Variants in ADAT3 observed in about 807,000 individuals in gnomAD.
The protein encoded by ADAT3 is adenosine deaminase tRNA specific 3.
In ADAT3, 2 loss-of-function variants were observed where a neutral mutation model predicts 3.5. That is an observed-to-expected ratio of 0.57 (90% confidence interval 0.23 to 1.79). The LOEUF (loss-of-function observed/expected upper bound fraction) is 1.79. Among genes scored for constraint, ADAT3 ranks in the 40% most tolerant of loss-of-function variants. ADAT3 has a pLI of 0.18. For synonymous variants in ADAT3, 358 were observed against 270.3 expected, an observed-to-expected ratio of 1.32 and a Z score of -3.18; for missense variants, 735 against 571.4, an observed-to-expected ratio of 1.29 and a Z score of -2.92.
rs527621111 is a variant in ADAT3, at chr19:1,908,330, G to A, written c.-159+2891G>A. 3.4e-4 allele frequency: 123 copies of A among 358,198 alleles called. No individual in the cohort carries two copies. The highest frequency in any genetic ancestry group is 2.2e-3 in the African/African-American group (100 of 46,464). The allele number at this position is 358,198 out of a possible 1,614,324, so 22.2% of individuals were successfully genotyped here. A position where few individuals can be genotyped will look rare whatever the true frequency, so the allele number is the denominator to read the frequency against. ...CGGGCAGCGCTGGGGCCGCTTCAGC[G>A]TGACCTCCAAGGCCACTGGCCTGGA... On this transcript the variant is annotated intron_variant, in intron 1 of 1. Transcript: ENST00000329478. The surrounding 1 kb of genome is among the most constrained non-coding windows in gnomAD (Gnocchi z 4.2).
At chr19:1,905,583 G>A in intron 1 of ADAT3, 144 bp downstream of exon 1, 1 of 173,786 alleles carries the variant, frequency 5.8e-6, no homozygotes, top group Non-Finnish European at 1.4e-5. Flanking sequence ...AGCCTCGCGC[G>A]CGTCTCGGGC....
intron 1 of ADAT3, chr19:1,906,888 G>GTGTGTGTGTGTGTGTGTGTA (rs2145420665): frequency 1.4e-5 from 2 of 143,360 alleles, no homozygotes; most frequent in Admixed American, 1.4e-4. Flanking sequence ...GTGTGTGTGT[G>GTGTGTGTGTGTGTGTGTGTA]TAAAGAAACA....
chr19:1,913,376 C>G lies in ADAT3; in HGVS notation c.*225C>G. 3.0e-6 allele frequency: 2 copies of G among 660,358 alleles called. No homozygotes were observed. Among genetic ancestry groups the G allele is most frequent in the Non-Finnish European group, 2.6e-6 (1 of 388,188 alleles). 40.9% of individuals were successfully genotyped at this position (660,358 alleles called of 1,614,324 possible). ...CGGTGCCCTTCTGCGGCCGCCCTTG[C>G]TGCGTTTGTGTCCCCTCTGTCTCGC... On this transcript the variant is annotated 3_prime_UTR_variant, in exon 2 of 2. Coordinates refer to ENST00000329478, the MANE Select transcript of ADAT3 (RefSeq NM_138422.4).
rs756095505 is a variant in ADAT3 at position 1,912,686 on chromosome 19, C to A, written c.639C>A (p.Ala213=). 5.5e-5 allele frequency: 81 copies of A among 1,463,206 alleles called. No homozygotes were observed. The highest frequency in any genetic ancestry group is 7.0e-5 in the Non-Finnish European group (78 of 1,117,722). The allele number at this position is 1,463,206 out of a possible 1,614,324, so 90.6% of individuals were successfully genotyped here. A position where few individuals can be genotyped will look rare whatever the true frequency, so the allele number is the denominator to read the frequency against. Residue 213 remains alanine (A), a synonymous_variant, in exon 2 of 2, where the codon GCC becomes GCA. Transcript: ENST00000329478. ...CGCGGGGCTTGCGGGCCGTGGGGGC[C>A]GTGGTAGTGGACCCGGCCTCGGACC... ...AAARGLRAVG[A]VVVDPASDRV...
chr19:1,913,153 C>T lies in ADAT3; in HGVS notation c.*2C>T, dbSNP rs1249800873. On this transcript the variant is annotated 3_prime_UTR_variant, in exon 2 of 2. Transcript: ENST00000329478. The stretch of plus-strand genomic sequence containing the variant: ...CGCTGGCTGGACCCCGACACGTAGG[C>T]GCCGCCCTCCTGCCTCCGGACCCTT... The T allele has an allele frequency of 6.5e-7, 1 of 1,535,776 alleles. No individual in the cohort carries two copies. Among genetic ancestry groups the T allele is most frequent in the Non-Finnish European group, 8.7e-7 (1 of 1,144,002 alleles).
Position 1,913,364 on chromosome 19 carries a change from C to G in ADAT3, c.*213C>G. On this transcript the variant is annotated 3_prime_UTR_variant, in exon 2 of 2. Transcript: ENST00000329478. Reference sequence around the variant, plus strand: ...ACCCCGTGCCAGCGGTGCCCTTCTGCGGCCGCCCTTGCTGCGTTTGTGTCC... The same window carrying G: ...ACCCCGTGCCAGCGGTGCCCTTCTGGGGCCGCCCTTGCTGCGTTTGTGTCC... 1 of 701,464 alleles carries G rather than the reference C, an allele frequency of 1.4e-6. No individual in the cohort carries two copies. The highest frequency in any genetic ancestry group is 2.3e-6 in the Non-Finnish European group (1 of 427,792). 43.5% of individuals were successfully genotyped at this position (701,464 alleles called of 1,614,324 possible). A position where few individuals can be genotyped will look rare whatever the true frequency, so the allele number is the denominator to read the frequency against.
chr19:1,907,444 G>A (rs1326527649), intron 1 of ADAT3, among the ~76,000 whole-genome samples: 4 of 151,828 alleles, frequency 2.6e-5, no homozygotes, highest in African/African-American at 2.4e-5. Context: ...GGTGGAAGCC[G>A]AGGCTTGGAG....
chr19:1,910,036 G>A (rs1485553511), intron 1 of ADAT3, among the ~76,000 whole-genome samples: 1 of 152,206 alleles, frequency 6.6e-6, no homozygotes, highest in Non-Finnish European at 1.5e-5. Flanking sequence ...GGGGCCCCGT[G>A]TCCCCCACAC....
intron 1 of ADAT3, 192 bp downstream of exon 1, chr19:1,905,631 C>T: frequency 6.2e-6 from 1 of 160,804 alleles, no homozygotes; most frequent in Non-Finnish European, 1.4e-5. Flanking sequence ...CGCGAATGCG[C>T]GTGCGCGCGC....
chr19:1,907,998 A>C (rs1480089562), intron 1 of ADAT3: 2 of 156,268 alleles, frequency 1.3e-5, no homozygotes, highest in African/African-American at 4.8e-5. Flanking sequence ...GTGTCCCGGC[A>C]GCTGCCTCCT....
Position 1,913,310 on chromosome 19 carries a change from G to A in ADAT3, c.*159G>A. 2.6e-6 allele frequency: 3 copies of A among 1,152,948 alleles called. No homozygotes were observed. The highest frequency in any genetic ancestry group is 3.6e-6 in the Non-Finnish European group (3 of 834,976). The allele number at this position is 1,152,948 out of a possible 1,614,324, so 71.4% of individuals were successfully genotyped here. A position where few individuals can be genotyped will look rare whatever the true frequency, so the allele number is the denominator to read the frequency against. On this transcript the variant is annotated 3_prime_UTR_variant, in exon 2 of 2. Transcript: ENST00000329478. Reference sequence around the variant, plus strand: ...ACGGGTGCTGCCTTCCGTGCGGATCGAGCTTTCCTGGACTCGGTCATTGGG... The same window carrying A: ...ACGGGTGCTGCCTTCCGTGCGGATCAAGCTTTCCTGGACTCGGTCATTGGG...
Position 1,913,286 on chromosome 19 carries a change from C to T in ADAT3, c.*135C>T, listed in dbSNP as rs956996731. ...CACATACCGCCTCCAGCGGGGAGCA[C>T]GGGTGCTGCCTTCCGTGCGGATCGA... On this transcript the variant is annotated 3_prime_UTR_variant, in exon 2 of 2. Transcript: ENST00000329478. 7.7e-6 allele frequency: 10 copies of T among 1,297,032 alleles called. No homozygotes were observed. The highest frequency in any genetic ancestry group is 1.5e-5 in the African/African-American group (1 of 65,914). The allele number at this position is 1,297,032 out of a possible 1,614,324, so 80.3% of individuals were successfully genotyped here.
rs1452401501 is a variant in ADAT3, at chr19:1,908,451, C to T, written c.-159+3012C>T. 1.7e-5 allele frequency: 8 copies of T among 469,766 alleles called. No homozygotes were observed. The highest frequency in any genetic ancestry group is 2.6e-5 in the Non-Finnish European group (6 of 226,504). The allele number at this position is 469,766 out of a possible 1,614,324, so 29.1% of individuals were successfully genotyped here. A position where few individuals can be genotyped will look rare whatever the true frequency, so the allele number is the denominator to read the frequency against. On this transcript the variant is annotated intron_variant, in intron 1 of 1. Transcript: ENST00000329478. The surrounding 1 kb of genome is among the most constrained non-coding windows in gnomAD (Gnocchi z 4.2). ...TCGAGGAGTAGCACCCACAGCTGCG[C>T]GGCTGCGAAATGATCCAGAGACACA...
chr19:1,913,273 C>A lies in ADAT3; in HGVS notation c.*122C>A. 6.6e-6 allele frequency: 9 copies of A among 1,370,522 alleles called. No individual in the cohort carries two copies. The highest frequency in any genetic ancestry group is 8.7e-6 in the Non-Finnish European group (9 of 1,030,958). The allele number at this position is 1,370,522 out of a possible 1,614,324, so 84.9% of individuals were successfully genotyped here. A position where few individuals can be genotyped will look rare whatever the true frequency, so the allele number is the denominator to read the frequency against. ...TGGATTTCAGGGACACATACCGCCT[C>A]CAGCGGGGAGCACGGGTGCTGCCTT... On this transcript the variant is annotated 3_prime_UTR_variant, in exon 2 of 2. Coordinates refer to ENST00000329478, the MANE Select transcript of ADAT3 (RefSeq NM_138422.4).
Position 1,908,395 on chromosome 19 carries a change from G to T in ADAT3, c.-159+2956G>T, listed in dbSNP as rs753491452. ...TGGTCCCCCATCTGTGGGGCGCCCC[G>T]GCGGCTGAGGCGTGGACCAGGCAGT... is the stretch of plus-strand genomic sequence containing the variant. On this transcript the variant is annotated intron_variant, in intron 1 of 1. Transcript: ENST00000329478. The surrounding 1 kb of genome is among the most constrained non-coding windows in gnomAD (Gnocchi z 4.2). 1 of 420,024 alleles carries T rather than the reference G, an allele frequency of 2.4e-6. No individual in the cohort carries two copies. The highest frequency in any genetic ancestry group is 2.0e-5 in the African/African-American group (1 of 48,884). 26.0% of individuals were successfully genotyped at this position (420,024 alleles called of 1,614,324 possible).
At chr19:1,909,570 C>G (rs1599234207) in intron 1 of ADAT3, among the ~76,000 whole-genome samples, 1 of 151,924 alleles carries the variant, frequency 6.6e-6, no homozygotes, top group East Asian at 1.9e-4. Flanking sequence ...GCTGGGATGT[C>G]TTCACCTGTG....
chr19:1,907,391 T>TCAA (rs2013182994), intron 1 of ADAT3, among the ~76,000 whole-genome samples: 1 of 137,344 alleles, frequency 7.3e-6, no homozygotes, highest in Non-Finnish European at 1.6e-5. Flanking sequence ...AGCCCTGCCT[T>TCAA]AAAAAAAAAA....
intron 1 of ADAT3, among the ~76,000 whole-genome samples, chr19:1,910,319 C>T (rs2013375176): frequency 6.6e-6 from 1 of 152,256 alleles, no homozygotes; most frequent in South Asian, 2.1e-4. Context: ...TGCTCAGTTC[C>T]TGGCCACATG....
chr19:1,909,922 GTC>G (rs1362545734), intron 1 of ADAT3, among the ~76,000 whole-genome samples: 3 of 152,250 alleles, frequency 2.0e-5, no homozygotes, highest in African/African-American at 7.2e-5. Flanking sequence ...GTCTTCTGAG[GTC>G]TCTCTTTTCC....
Sources: gnomAD v4.1 joint callset for allele counts (sites outside exome capture counted in the v4.1 genomes callset) on GRCh38, gnomAD v4.1.1 for gene constraint, Gnocchi (gnomAD v3.1) non-coding constraint, MANE v1.5 for transcripts, NCBI Gene and HGNC (gene_info 2026-07-23, HGNC 2026-07-21) for gene names.